CADM2: variants seen among roughly 807,000 people sequenced by gnomAD.
The protein encoded by CADM2 is cell adhesion molecule 2.
In CADM2, 12 loss-of-function variants were observed where a neutral mutation model predicts 49.8. The ratio of observed to expected loss-of-function variants is 0.24; its 90% CI spans 0.15 to 0.39. The LOEUF (loss-of-function observed/expected upper bound fraction) is 0.39, where lower values mean the gene tolerates loss of function less well. Ranked by LOEUF, CADM2 falls within the 10% of genes least tolerant of loss-of-function variation. The pLI, the probability that CADM2 is intolerant of heterozygous loss-of-function variation, is 1.00. For synonymous variants in CADM2, 214 were observed against 175.4 expected (o/e 1.22, Z -1.74); for missense variants, 378 against 492.3 (o/e 0.77, Z 2.20).
chr3:85,756,598 C>G (rs879813455), intron 2 of CADM2, among the ~76,000 whole-genome samples: 1 of 152,034 alleles, frequency 6.6e-6, no homozygotes, highest in Non-Finnish European at 1.5e-5. Flanking sequence ...TGTATTTATT[C>G]TTACATACGG....
chr3:85,118,277 TATC>T (rs67813378), intron 1 of CADM2, among the ~76,000 whole-genome samples: 55,711 of 151,782 alleles, frequency 0.37, 13,330 homozygotes, highest in Non-Finnish European at 0.54. Context: ...TATATTAAAA[TATC>T]ATGTTATTTT....
chr3:85,881,806 G>A lies in CADM2; in HGVS notation c.239-1485G>A, dbSNP rs114963474. Among the ~76,000 whole-genome samples the A allele has an allele frequency of 2.7e-3, 415 of 152,224 alleles. 1 individual carries two copies. Among genetic ancestry groups the A allele is most frequent in the African/African-American group, 9.7e-3 (403 of 41,536 alleles). On this transcript the variant is annotated intron_variant, in intron 3 of 9. Coordinates refer to ENST00000383699, the MANE Select transcript of CADM2 (RefSeq NM_001167675.2). ...TTTTGTGGAAGACAATTTTTCCATGGATGGTGGGCGGTATGTGTGGGGGAT... is the reference window on the plus strand; with the variant it reads ...TTTTGTGGAAGACAATTTTTCCATGAATGGTGGGCGGTATGTGTGGGGGAT...
chr3:85,049,557 G>C (rs1055240077), intron 1 of CADM2, among the ~76,000 whole-genome samples: 17 of 151,646 alleles, frequency 1.1e-4, no homozygotes, highest in Non-Finnish European at 1.8e-4. Context: ...TCACTATGTT[G>C]GCCAGACTGG....
intron 1 of CADM2, among the ~76,000 whole-genome samples, chr3:85,662,797 A>G (rs1438102793): frequency 1.3e-5 from 2 of 152,050 alleles, no homozygotes; most frequent in Admixed American, 6.6e-5. Context: ...AGCACTTACC[A>G]TAGTAGCTTG....
chr3:85,547,499 A>G (rs1302199569), intron 1 of CADM2, among the ~76,000 whole-genome samples: 1 of 152,200 alleles, frequency 6.6e-6, no homozygotes. Flanking sequence ...ATGGTGGGAA[A>G]AAAAGCTGAC....
intron 2 of CADM2, among the ~76,000 whole-genome samples, chr3:85,799,536 T>G (rs2108064560): frequency 6.6e-6 from 1 of 152,326 alleles, no homozygotes; most frequent in South Asian, 2.1e-4. Context: ...AATCATGTGG[T>G]TTTTGTCATT....
intron 1 of CADM2, among the ~76,000 whole-genome samples, chr3:85,043,267 T>C (rs1300981546): frequency 6.6e-6 from 1 of 152,034 alleles, no homozygotes; most frequent in African/African-American, 2.4e-5. Flanking sequence ...CAGATACTCC[T>C]TTCTGCAACT....
chr3:85,970,180 ATAAC>A (rs1725948408), intron 8 of CADM2, among the ~76,000 whole-genome samples: 1 of 151,380 alleles, frequency 6.6e-6, no homozygotes, highest in African/African-American at 2.4e-5. Flanking sequence ...CAAAACATAA[ATAAC>A]TGTGCATAGA....
At chr3:85,833,200 C>T (rs2074257856) in intron 3 of CADM2, among the ~76,000 whole-genome samples, 1 of 151,764 alleles carries the variant, frequency 6.6e-6, no homozygotes, top group Non-Finnish European at 1.5e-5. Context: ...TTCTGATGTG[C>T]TGCTGGATTT....
intron 1 of CADM2, among the ~76,000 whole-genome samples, chr3:85,561,692 GC>G (rs1300610758): frequency 6.6e-6 from 1 of 152,160 alleles, no homozygotes; most frequent in African/African-American, 2.4e-5. Flanking sequence ...TGAGGATGTG[GC>G]CGTGAACAAA....
intron 1 of CADM2, among the ~76,000 whole-genome samples, chr3:85,681,321 A>G (rs1269033453): frequency 6.6e-6 from 1 of 152,198 alleles, no homozygotes; most frequent in African/African-American, 2.4e-5. Context: ...TACATTCAGC[A>G]TTAAATTAAT....
intron 8 of CADM2, among the ~76,000 whole-genome samples, chr3:86,044,943 G>C (rs529680688): frequency 6.6e-6 from 1 of 151,784 alleles, no homozygotes; most frequent in Non-Finnish European, 1.5e-5. Flanking sequence ...ATCATTCTCA[G>C]CAAAGTATGG....
At chr3:85,183,507 G>A (rs571893098) in intron 1 of CADM2, among the ~76,000 whole-genome samples, 68 of 152,222 alleles carry the variant, frequency 4.5e-4, no homozygotes, top group African/African-American at 1.6e-3. Context: ...CAGTTGCACA[G>A]TAATTTCTAA....
At position 85,209,732 on chromosome 3, in the gene CADM2, G is replaced by A. The variant is rs185110815; in HGVS notation, c.61+250064G>A. 1.9e-3 allele frequency among the ~76,000 whole-genome samples: 290 copies of A among 151,880 alleles called. 2 individuals carry two copies. Among genetic ancestry groups the A allele is most frequent in the African/African-American group, 6.6e-3 (273 of 41,486 alleles). On this transcript the variant is annotated intron_variant, in intron 1 of 9. Transcript: ENST00000383699. ...AAACATGTTGCTGCACACTGCAGGC[G>A]TTTCCAATTAGTCTGAAAGTGAACT...
intron 1 of CADM2, among the ~76,000 whole-genome samples, chr3:85,337,112 G>A (rs2045110905): frequency 6.8e-6 from 1 of 146,756 alleles, no homozygotes; most frequent in African/African-American, 2.5e-5. Flanking sequence ...CCTTCCATCT[G>A]CCATCTCATC....
At chr3:85,438,108 T>C (rs1269915055) in intron 1 of CADM2, among the ~76,000 whole-genome samples, 1 of 152,068 alleles carries the variant, frequency 6.6e-6, no homozygotes, top group East Asian at 1.9e-4. Context: ...AGAAAATAGA[T>C]AACTTTGAAT....
At chr3:85,807,217 G>A (rs2072489278) in intron 3 of CADM2, among the ~76,000 whole-genome samples, 1 of 152,032 alleles carries the variant, frequency 6.6e-6, no homozygotes, top group African/African-American at 2.4e-5. Context: ...AAGACAGAAG[G>A]GCCAGGCATG....
chr3:85,829,766 C>T (rs188074692), intron 3 of CADM2, among the ~76,000 whole-genome samples: 2 of 152,054 alleles, frequency 1.3e-5, no homozygotes, highest in Non-Finnish European at 1.5e-5. Flanking sequence ...GATTACATGG[C>T]ATTTGCCTTT....
chr3:85,999,592 AGAGG>A (rs1679457939), intron 8 of CADM2, among the ~76,000 whole-genome samples: 1 of 141,000 alleles, frequency 7.1e-6, no homozygotes, highest in African/African-American at 2.5e-5. Flanking sequence ...GGAGGGAGGG[AGAGG>A]GAGGGAGGGA....
Sources: gnomAD v4.1 joint callset for allele counts (sites outside exome capture counted in the v4.1 genomes callset) on GRCh38, gnomAD v4.1.1 for gene constraint, MANE v1.5 for transcripts, NCBI Gene and HGNC (gene_info 2026-07-23, HGNC 2026-07-21) for gene names.